BMERB1: variants seen among roughly 807,000 people sequenced by gnomAD.
BMERB1 encodes bMERB domain-containing protein 1.
Under a neutral mutation model 23.6 loss-of-function variants are expected in BMERB1, and 12 were observed. The observed-to-expected ratio is 0.51, with a 90% CI of 0.33 to 0.82. The LOEUF is 0.82. Among genes scored for constraint, BMERB1 ranks in the 40% least tolerant of loss-of-function variants. The pLI is 0.03. For synonymous variants in BMERB1, 122 were observed against 96.6 expected, an observed-to-expected ratio of 1.26 and a Z score of -1.54; for missense variants, 247 against 255.4, an observed-to-expected ratio of 0.97 and a Z score of 0.22.
chr16:15,532,978 C>T (rs1206967908), intron 2 of BMERB1: 2 of 455,176 alleles, frequency 4.4e-6, no homozygotes, highest in Non-Finnish European at 8.8e-6. Flanking sequence ...CTACCTCTGC[C>T]ATTTATAGGC....
intron 1 of BMERB1, among the ~76,000 whole-genome samples, chr16:15,511,581 A>G (rs1008299783): frequency 6.6e-6 from 1 of 152,226 alleles, no homozygotes; most frequent in Non-Finnish European, 1.5e-5. Context: ...TAAAAGAAGC[A>G]CACATTGCTC....
chr16:15,518,243 C>A (rs2051799099), intron 2 of BMERB1, among the ~76,000 whole-genome samples: 1 of 152,136 alleles, frequency 6.6e-6, no homozygotes, highest in Non-Finnish European at 1.5e-5. Flanking sequence ...TAGGATAAAT[C>A]AAATTATCTA....
At chr16:15,473,259 C>G (rs1456889608) in intron 1 of BMERB1, among the ~76,000 whole-genome samples, 1 of 151,042 alleles carries the variant, frequency 6.6e-6, no homozygotes, top group Non-Finnish European at 1.5e-5. Context: ...GTTATCATTA[C>G]CTTTCTGTTT....
At chr16:15,533,508 C>T (rs556661805) in intron 2 of BMERB1, among the ~76,000 whole-genome samples, 4 of 152,026 alleles carry the variant, frequency 2.6e-5, no homozygotes, top group South Asian at 2.1e-4. Flanking sequence ...AATCCTCCTG[C>T]GTCAGCCTTC....
At chr16:15,470,014 C>T (rs1243347888) in intron 1 of BMERB1, among the ~76,000 whole-genome samples, 1 of 152,036 alleles carries the variant, frequency 6.6e-6, no homozygotes, top group East Asian at 1.9e-4. Context: ...AACTTCAGTA[C>T]TATATTGAAT....
chr16:15,580,791 C>T (rs550587380), intron 3 of BMERB1, among the ~76,000 whole-genome samples: 1 of 151,288 alleles, frequency 6.6e-6, no homozygotes, highest in African/African-American at 2.4e-5. Flanking sequence ...GTGATCCGCC[C>T]ACCTTGGCCT....
chr16:15,471,289 G>A (rs1231413703), intron 1 of BMERB1, among the ~76,000 whole-genome samples: 1 of 152,136 alleles, frequency 6.6e-6, no homozygotes, highest in African/African-American at 2.4e-5. Context: ...TGTTAAAAAG[G>A]AATAATTTGA....
intron 1 of BMERB1, among the ~76,000 whole-genome samples, chr16:15,455,179 C>T (rs981245721): frequency 2.6e-5 from 4 of 151,374 alleles, no homozygotes; most frequent in African/African-American, 9.7e-5. Flanking sequence ...CAGACATTAG[C>T]CGGGCGTGGT....
intron 2 of BMERB1, among the ~76,000 whole-genome samples, chr16:15,528,568 T>TAC (rs949571724): frequency 2.0e-5 from 3 of 151,662 alleles, no homozygotes; most frequent in Non-Finnish European, 2.9e-5. Context: ...CTCCCTCCCT[T>TAC]ACACACACAC....
At chr16:15,559,473 G>A (rs1286614669) in intron 2 of BMERB1, among the ~76,000 whole-genome samples, 2 of 152,236 alleles carry the variant, frequency 1.3e-5, no homozygotes, top group Non-Finnish European at 2.9e-5. Context: ...CCACTTACCA[G>A]TGCAGAGCTT....
chr16:15,492,217 C>T (rs11075271), intron 1 of BMERB1, among the ~76,000 whole-genome samples: 138,081 of 152,156 alleles, frequency 0.91, 64,219 homozygotes, highest in East Asian at 1. Flanking sequence ...TTTGTTTTTT[C>T]GACATCATTG....
intron 5 of BMERB1, among the ~76,000 whole-genome samples, chr16:15,586,231 T>C (rs2031135784): frequency 6.6e-6 from 1 of 151,710 alleles, no homozygotes; most frequent in Admixed American, 6.6e-5. Context: ...ACCGAGAGGA[T>C]AGAGTGAGAA....
chr16:15,488,539 A>G (rs990661037), intron 1 of BMERB1, among the ~76,000 whole-genome samples: 1 of 152,030 alleles, frequency 6.6e-6, no homozygotes, highest in African/African-American at 2.4e-5. Context: ...TAAAAGATAC[A>G]TAGTATTTGT....
At chr16:15,547,258 C>T (rs566849254) in intron 2 of BMERB1, among the ~76,000 whole-genome samples, 4 of 150,708 alleles carry the variant, frequency 2.7e-5, no homozygotes, top group South Asian at 2.1e-4. Context: ...GTGATTCACC[C>T]GCCTCTGCCT....
At chr16:15,489,885 G>T (rs76987512) in intron 1 of BMERB1, among the ~76,000 whole-genome samples, 2 of 149,912 alleles carry the variant, frequency 1.3e-5, no homozygotes, top group South Asian at 2.1e-4. Flanking sequence ...CTTTTTTTTT[G>T]AGATGGAGTC....
At chr16:15,469,783 A>T (rs1178317277) in intron 1 of BMERB1, among the ~76,000 whole-genome samples, 1 of 152,112 alleles carries the variant, frequency 6.6e-6, no homozygotes, top group Non-Finnish European at 1.5e-5. Context: ...TTTGGTTTCC[A>T]CATGTTAATT....
At chr16:15,478,999 T>G (rs1463046893) in intron 1 of BMERB1, among the ~76,000 whole-genome samples, 1 of 152,206 alleles carries the variant, frequency 6.6e-6, no homozygotes, top group African/African-American at 2.4e-5. Context: ...TGTCTTTTGT[T>G]TTTTGTTTGC....
chr16:15,486,575 A>G (rs368659364), intron 1 of BMERB1, among the ~76,000 whole-genome samples: 27 of 152,198 alleles, frequency 1.8e-4, no homozygotes, highest in African/African-American at 5.3e-4. Context: ...ACCTGATCCA[A>G]TCAAATATGG....
intron 1 of BMERB1, among the ~76,000 whole-genome samples, chr16:15,496,827 T>C (rs1220124935): frequency 6.6e-6 from 1 of 152,186 alleles, no homozygotes; most frequent in Non-Finnish European, 1.5e-5. Flanking sequence ...CATGAGCCAC[T>C]GTGCCAGGCC....
Sources: allele counts gnomAD v4.1 joint callset (sites outside exome capture counted in the v4.1 genomes callset), GRCh38; gene constraint gnomAD v4.1.1; transcripts MANE v1.5; gene names NCBI Gene and HGNC (gene_info 2026-07-23, HGNC 2026-07-21).